The following EPHB6 variants were observed in gnomAD, a reference collection of about 807,000 sequenced individuals.
EPHB6 encodes ephrin type-B receptor 6.
A neutral mutation model predicts 107.0 loss-of-function variants in EPHB6; 51 were observed. That is an observed-to-expected ratio of 0.48 (90% CI 0.38 to 0.60). The LOEUF is 0.60. Ranked by LOEUF, EPHB6 falls within the 20% of genes least tolerant of loss-of-function variation. EPHB6 has a pLI of 0.00. For synonymous variants in EPHB6, 553 were observed against 549.0 expected, an observed-to-expected ratio of 1.01 and a Z score of -0.10; for missense variants, 1,141 against 1,355.5, an observed-to-expected ratio of 0.84 and a Z score of 2.48.
In EPHB6 at chr7:142,866,485, C is replaced by T. The variant is rs765929978; in HGVS notation, c.1467C>T (p.Pro489=). ...AINVSTSHEV[P]SAVPVVHQVS... is the part of the protein sequence containing the mutation. The stretch of plus-strand genomic sequence containing the variant: ...AATTTTCCTTTTGCACTCTAGTGCC[C>T]TCTGCTGTCCCTGTGGTGCACCAGG... The change falls in exon 10 of 20, where the codon CCC becomes CCT. Residue 489 remains proline (P), a synonymous_variant. Coordinates refer to ENST00000652003, the MANE Select transcript of EPHB6 (RefSeq NM_004445.6). The surrounding 1 kb of genome is among the most constrained non-coding windows in gnomAD (Gnocchi z 5.2). 46 of 1,614,022 alleles carry T rather than the reference C, an allele frequency of 2.9e-5. No homozygotes were observed. In the East Asian group the frequency reaches 1.0e-3, roughly 36 times the overall value.
intron 17 of EPHB6, 35 bp downstream of exon 17, chr7:142,870,001 C>A: frequency 6.2e-7 from 1 of 1,614,078 alleles, no homozygotes; most frequent in Non-Finnish European, 8.5e-7. Flanking sequence ...GATTTCCCAC[C>A]CCGATCCCTC....
intron 4 of EPHB6, 83 bp from the exon 5 acceptor site, chr7:142,863,044 G>A (rs1370550084): frequency 1.2e-5 from 7 of 605,102 alleles, no homozygotes; most frequent in East Asian, 5.5e-5. Flanking sequence ...ACACAGACAC[G>A]GGGTCAGCTT....
chr7:142,865,528 T>G lies in EPHB6; in HGVS notation c.1003T>G (p.Cys335Gly). 1.2e-6 allele frequency: 2 copies of G among 1,613,416 alleles called. No homozygotes were observed. Among genetic ancestry groups the G allele is most frequent in the Non-Finnish European group, 8.5e-7 (1 of 1,179,878 alleles). The change falls in exon 8 of 20, where the codon TGC becomes GGC. Residue 335 changes from cysteine (C) to glycine (G), a missense_variant. This residue lies in a region of EPHB6 where 304 missense variants were observed against 295.7 expected (regional missense o/e 1.03). Coordinates refer to ENST00000652003, the MANE Select transcript of EPHB6 (RefSeq NM_004445.6). ...ASAGNAPCSP[C>G]PARSHAPNPA... Reference sequence around the variant, plus strand: ...TGCTGGGAATGCTCCCTGCTCACCATGCCCTGCCCGCAGTCACGCTCCCAA... The same window carrying G: ...TGCTGGGAATGCTCCCTGCTCACCAGGCCCTGCCCGCAGTCACGCTCCCAA...
chr7:142,863,954 C>T lies in EPHB6; in HGVS notation c.166-12C>T, dbSNP rs1802980413. 1 of 1,614,130 alleles carries T rather than the reference C, an allele frequency of 6.2e-7. No individual in the cohort carries two copies. The highest frequency in any genetic ancestry group is 1.1e-5 in the South Asian group (1 of 91,088). On this transcript the variant is annotated splice_polypyrimidine_tract_variant and intron_variant, in intron 6 of 19. Transcript: ENST00000652003. The stretch of plus-strand genomic sequence containing the variant: ...CCGGAGCCCCTAAAGCTTCTCCTGG[C>T]CCTTCCTGCAGTGGGACGAGGTGAG...
rs1802581696 is a variant in EPHB6, at chr7:142,855,843, C to A, written c.-432+458C>A. Among the ~76,000 whole-genome samples the A allele has an allele frequency of 6.6e-6, 1 of 152,184 alleles. No homozygotes were observed. Among genetic ancestry groups the A allele is most frequent in the East Asian group, 1.9e-4 (1 of 5,188 alleles). On this transcript the variant is annotated intron_variant, in intron 1 of 19. Transcript: ENST00000652003. This position sits in a 1 kb window ranked among gnomAD's most constrained non-coding sequence, Gnocchi z 4.2. The stretch of plus-strand genomic sequence containing the variant: ...CCTGCTCCCCACAAGGCACTGTCCC[C>A]CCCAGCTCCATGACCACAGTTAAGC...
chr7:142,862,918 G>A (rs985383333), intron 4 of EPHB6, 85 bp downstream of exon 4: 1 of 386,402 alleles, frequency 2.6e-6, no homozygotes, highest in Admixed American at 3.9e-5. Flanking sequence ...GTCACACAGG[G>A]AGTAGGCACG....
Position 142,870,985 on chromosome 7 carries a change from CTG to C in EPHB6, c.*84_*85del. 7.3e-7 allele frequency: 1 copy of C among 1,367,380 alleles called. No homozygotes were observed. Among genetic ancestry groups the C allele is most frequent in the Non-Finnish European group, 1.0e-6 (1 of 990,372 alleles). The allele number at this position is 1,367,380 out of a possible 1,614,324, so 84.7% of individuals were successfully genotyped here. ...GACGTGAGCCGGGCTCCAACAGCCT[CTG>C]TGAGAGATGCCCCACACCAAACCCA... On this transcript the variant is annotated 3_prime_UTR_variant, in exon 20 of 20. Coordinates refer to ENST00000652003, the MANE Select transcript of EPHB6 (RefSeq NM_004445.6).
rs762477553 is a variant in EPHB6 at position 142,863,997 on chromosome 7, G to A, written c.197G>A (p.Arg66Gln). Residue 66 changes from arginine to glutamine, a missense_variant, in exon 7 of 20, where the codon CGA becomes CAA. Physicochemically the swap from Arg to Gln is conservative, Grantham distance 43. Transcript: ENST00000652003. ...WDEVSVLDDQ[R>Q]RLTRTFEACH... is the part of the protein sequence containing the mutation. The stretch of plus-strand genomic sequence containing the variant: ...GAGGTGAGTGTTCTGGACGACCAGC[G>A]ACGCCTGACTCGGACCTTTGAGGCA... 2.1e-5 allele frequency: 34 copies of A among 1,614,082 alleles called. No homozygotes were observed. The highest frequency in any genetic ancestry group is 2.7e-5 in the African/African-American group (2 of 74,934).
chr7:142,865,862 C>T (rs1803132136), intron 8 of EPHB6, 98 bp from the exon 9 acceptor site: 1 of 1,348,370 alleles, frequency 7.4e-7, no homozygotes, highest in African/African-American at 1.4e-5. Flanking sequence ...TGTCTCCTTC[C>T]CTCTCGGCCA....
rs951646160 is a variant in EPHB6 at position 142,866,163 on chromosome 7, C to T, written c.1309C>T (p.Arg437Cys). The change falls in exon 9 of 20, where the codon CGC (arginine) becomes TGC (cysteine). Residue 437 changes from arginine (R) to cysteine (C), a missense_variant. By Grantham distance (180) the Arg-to-Cys change is radical (BLOSUM62 -3). Around this residue, in one of 3 missense-constraint regions of EPHB6, gnomAD observed 304 missense variants for 295.7 expected, o/e 1.03. Coordinates refer to ENST00000652003, the MANE Select transcript of EPHB6 (RefSeq NM_004445.6). The surrounding 1 kb of genome is among the most constrained non-coding windows in gnomAD (Gnocchi z 5.2). ...RCRDEVHFDP[R>C]QRGLTESRVL... The stretch of plus-strand genomic sequence containing the variant: ...CAGGGATGAGGTCCACTTCGACCCT[C>T]GCCAGAGAGGCCTGACTGAGAGCCG... 23 of 1,613,950 alleles carry T rather than the reference C, an allele frequency of 1.4e-5. No individual in the cohort carries two copies. Among genetic ancestry groups the T allele is most frequent in the Non-Finnish European group, 1.7e-5 (20 of 1,180,028 alleles).
Position 142,865,555 on chromosome 7 carries a change from C to T in EPHB6, c.1030C>T (p.Pro344Ser). ...CCCTGCCCGCAGTCACGCTCCCAAC[C>T]CAGCAGCCCCCGTTTGCCCCTGCCT... Reference protein sequence around the residue: ...PCPARSHAPNPAAPVCPCLEG... With the variant: ...PCPARSHAPNSAAPVCPCLEG... The change falls in exon 8 of 20, where the codon CCA becomes TCA. Residue 344 changes from proline (P) to serine (S), a missense_variant. Transcript: ENST00000652003. The T allele has an allele frequency of 1.9e-6, 3 of 1,613,710 alleles. No individual in the cohort carries two copies. Among genetic ancestry groups the T allele is most frequent in the Non-Finnish European group, 1.7e-6 (2 of 1,180,008 alleles).
At chr7:142,860,795 T>G (rs899834115) in intron 1 of EPHB6, among the ~76,000 whole-genome samples, 3 of 152,202 alleles carry the variant, frequency 2.0e-5, no homozygotes, top group Admixed American at 6.5e-5. Context: ...TGTATTTCCA[T>G]GATAACTTCA....
Position 142,867,307 on chromosome 7 carries a change from G to A in EPHB6, c.1750+239G>A. The A allele has an allele frequency of 1.6e-6, 1 of 632,080 alleles. No individual in the cohort carries two copies. Among genetic ancestry groups the A allele is most frequent in the South Asian group, 1.9e-5 (1 of 53,270 alleles). 39.2% of individuals were successfully genotyped at this position (632,080 alleles called of 1,614,324 possible). A position where few individuals can be genotyped will look rare whatever the true frequency, so the allele number is the denominator to read the frequency against. ...AGGAGGGCTGTGGGGATGTGTGTGT[G>A]TGTTGTGTGTCCCTGGGTGTGGATG... On this transcript the variant is annotated intron_variant, in intron 11 of 19. Transcript: ENST00000652003. This position sits in a 1 kb window ranked among gnomAD's most constrained non-coding sequence, Gnocchi z 5.3.
rs1802818556 is a variant in EPHB6, at chr7:142,861,052, A to AAATAAAGGG, written c.-429_-421dup. On this transcript the variant is annotated splice_region_variant and 5_prime_UTR_variant, in exon 2 of 20. Transcript: ENST00000652003. ...ACATGTCTCTTTTTTTTCTTCACAG[A>AAATAAAGGG]AATAAAGGGATTATAGTCCACCCAA... 6.6e-6 allele frequency: 1 copy of AAATAAAGGG among 152,016 alleles called. No individual in the cohort carries two copies. Among genetic ancestry groups the AAATAAAGGG allele is most frequent in the African/African-American group, 2.4e-5 (1 of 41,364 alleles). 9.4% of individuals were successfully genotyped at this position (152,016 alleles called of 1,614,324 possible).
Position 142,866,486 on chromosome 7 carries a change from T to G in EPHB6, c.1468T>G (p.Ser490Ala). Residue 490 changes from serine to alanine, a missense_variant, in exon 10 of 20, where the codon TCT (serine) becomes GCT (alanine). Ser to Ala is a moderately conservative substitution (Grantham distance 99, BLOSUM62 1). Coordinates refer to ENST00000652003, the MANE Select transcript of EPHB6 (RefSeq NM_004445.6). The surrounding 1 kb of genome is among the most constrained non-coding windows in gnomAD (Gnocchi z 5.2). ...ATTTTCCTTTTGCACTCTAGTGCCC[T>G]CTGCTGTCCCTGTGGTGCACCAGGT... Reference protein sequence around the residue: ...INVSTSHEVPSAVPVVHQVSR... With the variant: ...INVSTSHEVPAAVPVVHQVSR... 1 of 1,614,170 alleles carries G rather than the reference T, an allele frequency of 6.2e-7. No homozygotes were observed. The highest frequency in any genetic ancestry group is 8.5e-7 in the Non-Finnish European group (1 of 1,180,030).
Position 142,865,967 on chromosome 7 carries a change from A to T in EPHB6, c.1113A>T (p.Pro371=). The part of the protein sequence containing the change: ...DPPEAPCTGP[P]SAPQELWFEV... ...TATCCTCCGGCCCCCCAGGTCCTCC[A>T]TCGGCTCCCCAGGAGCTTTGGTTTG... Residue 371 remains proline, a synonymous_variant, in exon 9 of 20, where the codon CCA becomes CCT. Transcript: ENST00000652003. The T allele has an allele frequency of 1.2e-6, 2 of 1,613,566 alleles. No homozygotes were observed. Among genetic ancestry groups the T allele is most frequent in the Non-Finnish European group, 1.7e-6 (2 of 1,179,960 alleles).
chr7:142,867,754 G>A lies in EPHB6; in HGVS notation c.1865+32G>A, dbSNP rs1228167495. The A allele has an allele frequency of 1.3e-6, 2 of 1,572,990 alleles. No individual in the cohort carries two copies. On this transcript the variant is annotated intron_variant, in intron 12 of 19. Coordinates refer to ENST00000652003, the MANE Select transcript of EPHB6 (RefSeq NM_004445.6). This position sits in a 1 kb window ranked among gnomAD's most constrained non-coding sequence, Gnocchi z 5.3. ...CCCCACCCCTGCCCAACTCTGCCCA[G>A]CACCATTAACTCCACAGCCAAACCT...
rs567622123 is a variant in EPHB6, at chr7:142,869,891, C to T, written c.2535C>T (p.Val845=). 6.2e-7 allele frequency: 1 copy of T among 1,614,188 alleles called. No individual in the cohort carries two copies. Among genetic ancestry groups the T allele is most frequent in the South Asian group, 1.1e-5 (1 of 91,070 alleles). The change falls in exon 17 of 20, where the codon GTC becomes GTT. Residue 845 remains valine, a synonymous_variant. Coordinates refer to ENST00000652003, the MANE Select transcript of EPHB6 (RefSeq NM_004445.6). The surrounding 1 kb of genome is among the most constrained non-coding windows in gnomAD (Gnocchi z 4.5). ...AHGKHTTSSD[V]WSFGILMWEV... is the part of the protein sequence containing the mutation. ...GAAAGCATACAACATCCAGTGATGT[C>T]TGGAGCTTTGGGATACTCATGTGGG... is the stretch of plus-strand genomic sequence containing the variant.
At position 142,864,077 on chromosome 7, in the gene EPHB6, C is replaced by G; in HGVS notation, c.277C>G (p.His93Asp). The G allele has an allele frequency of 1.2e-6, 2 of 1,614,122 alleles. No individual in the cohort carries two copies. Among genetic ancestry groups the G allele is most frequent in the Non-Finnish European group, 1.7e-6 (2 of 1,180,046 alleles). Reference protein sequence around the residue: ...GTGQDNWLQTHFVERRGAQRA... With the variant: ...GTGQDNWLQTDFVERRGAQRA... ...CGGGCAGGACAATTGGTTGCAGACA[C>G]ACTTTGTGGAGCGGCGCGGGGCCCA... The change falls in exon 7 of 20, where the codon CAC (histidine) becomes GAC (aspartate). Residue 93 changes from histidine to aspartate, a missense_variant. Physicochemically the swap from His to Asp is moderately conservative, Grantham distance 81. Around this residue, in one of 3 missense-constraint regions of EPHB6, gnomAD observed 221 missense variants for 300.5 expected, o/e 0.74. Transcript: ENST00000652003.
Sources: gnomAD v4.1 joint callset for allele counts (sites outside exome capture counted in the v4.1 genomes callset) on GRCh38, gnomAD v4.1.1 for gene constraint, gnomAD v4.1.1 regional missense constraint, Gnocchi (gnomAD v3.1) non-coding constraint, MANE v1.5 for transcripts, NCBI Gene and HGNC (gene_info 2026-07-23, HGNC 2026-07-21) for gene names.